The following AGBL1 variants were observed in gnomAD, a reference collection of about 807,000 sequenced individuals.
The protein encoded by AGBL1 is cytosolic carboxypeptidase 4.
A neutral mutation model predicts 118.9 loss-of-function variants in AGBL1; 130 were observed. That is an observed-to-expected ratio of 1.09 (90% confidence interval 0.95 to 1.26). AGBL1 has a LOEUF of 1.26. AGBL1 is among the 50% of genes most tolerant of loss of function. The pLI, the probability that AGBL1 is intolerant of heterozygous loss-of-function variation, is 0.00. For synonymous variants in AGBL1, 555 were observed against 478.9 expected, an observed-to-expected ratio of 1.16 and a Z score of -2.08; for missense variants, 1,584 against 1,298.1, an observed-to-expected ratio of 1.22 and a Z score of -3.38.
chr15:87,004,308 A>G (rs879891589), intron 24 of AGBL1, among the ~76,000 whole-genome samples: 15,037 of 152,192 alleles, frequency 0.099, 1,325 homozygotes, highest in African/African-American at 0.23. Context: ...CCACACAATT[A>G]TAGTGGGAGA....
chr15:86,249,743 A>T lies in AGBL1; in HGVS notation c.735+1864A>T, dbSNP rs781510342. 1.3e-3 allele frequency among the ~76,000 whole-genome samples: 195 copies of T among 152,322 alleles called. 3 individuals are homozygous for T. The highest frequency in any genetic ancestry group is 6.8e-3 in the Middle Eastern group (2 of 294). ...GGCTATTTCTCTGTTCTGTGCTAAA[A>T]AACCAACCAAACAATAAACAAAACA... On this transcript the variant is annotated intron_variant, in intron 7 of 22. Coordinates refer to ENST00000614907, the MANE Select transcript of AGBL1 (RefSeq NM_001386094.1).
intron 21 of AGBL1, among the ~76,000 whole-genome samples, chr15:86,640,824 G>C (rs144626153): frequency 1.1e-3 from 170 of 152,208 alleles, no homozygotes; most frequent in African/African-American, 3.9e-3. Context: ...TAATTAGCCA[G>C]TTTACATCCT....
intron 1 of AGBL1, among the ~76,000 whole-genome samples, chr15:86,095,189 G>A (rs1422542021): frequency 6.6e-6 from 1 of 152,140 alleles, no homozygotes; most frequent in Non-Finnish European, 1.5e-5. Context: ...ACTAGCAGGT[G>A]GATGTGTTCA....
chr15:86,247,996 C>T, intron 7 of AGBL1, 117 bp downstream of exon 7: 1 of 1,306,572 alleles, frequency 7.7e-7, no homozygotes, highest in South Asian at 1.2e-5. Context: ...TTCTTGTTGC[C>T]TGCTAAGGGC....
intron 18 of AGBL1, among the ~76,000 whole-genome samples, chr15:86,433,312 A>T (rs74025129): frequency 0.014 from 1,469 of 107,414 alleles, 36 homozygotes; most frequent in African/African-American, 0.054. Flanking sequence ...CCACATAGTT[A>T]ATGGATGGGT....
At position 86,907,561 on chromosome 15, in the gene AGBL1, C is replaced by G. The variant is rs1042145472; in HGVS notation, c.*267C>G. On this transcript the variant is annotated 3_prime_UTR_variant, in exon 23 of 23. Coordinates refer to ENST00000614907, the MANE Select transcript of AGBL1 (RefSeq NM_001386094.1). ...ACTTAGAATGGGACCCAATGGGTAG[C>G]CTCAAGATTACCATGGATCCTTTCA... 5.3e-5 allele frequency: 8 copies of G among 152,138 alleles called. No homozygotes were observed. The highest frequency in any genetic ancestry group is 1.0e-4 in the Non-Finnish European group (7 of 68,026). The allele number at this position is 152,138 out of a possible 1,614,324, so 9.4% of individuals were successfully genotyped here.
intron 24 of AGBL1, among the ~76,000 whole-genome samples, chr15:87,013,754 A>G (rs1434025005): frequency 6.6e-6 from 1 of 152,110 alleles, no homozygotes; most frequent in African/African-American, 2.4e-5. Flanking sequence ...TATTGTCCTC[A>G]TTTAAAGAAG....
intron 17 of AGBL1, among the ~76,000 whole-genome samples, chr15:86,351,960 C>T (rs1034347984): frequency 5.3e-5 from 8 of 152,126 alleles, no homozygotes; most frequent in Non-Finnish European, 8.8e-5. Flanking sequence ...GTAGCAGGCA[C>T]ATGATTTATA....
At chr15:86,199,478 G>A (rs892734156) in intron 5 of AGBL1, among the ~76,000 whole-genome samples, 2 of 152,186 alleles carry the variant, frequency 1.3e-5, no homozygotes, top group Non-Finnish European at 2.9e-5. Context: ...GTTCTCAAAA[G>A]CCATGATAAT....
chr15:86,357,541 T>C (rs1355451319), intron 17 of AGBL1, among the ~76,000 whole-genome samples: 2 of 152,168 alleles, frequency 1.3e-5, no homozygotes, highest in East Asian at 1.9e-4. Flanking sequence ...TATTTCTATG[T>C]AGGGTAAAAA....
chr15:86,470,412 G>C (rs574945703), intron 18 of AGBL1, among the ~76,000 whole-genome samples: 13 of 152,134 alleles, frequency 8.5e-5, no homozygotes, highest in Middle Eastern at 3.4e-3. Context: ...TCTCTATTGT[G>C]TTTCATTGGT....
chr15:86,478,979 G>T (rs535722956), intron 18 of AGBL1, among the ~76,000 whole-genome samples: 281 of 152,256 alleles, frequency 1.8e-3, no homozygotes, highest in African/African-American at 6.5e-3. Context: ...GCAAGAAATG[G>T]GGAAAGGATT....
intron 18 of AGBL1, among the ~76,000 whole-genome samples, chr15:86,442,478 A>G (rs1251574714): frequency 3.9e-5 from 6 of 152,154 alleles, no homozygotes; most frequent in Admixed American, 3.9e-4. Context: ...GGGAATGTCA[A>G]CCCCGGAGCC....
At chr15:86,292,397 T>A (rs1597690944) in intron 16 of AGBL1, among the ~76,000 whole-genome samples, 1 of 152,126 alleles carries the variant, frequency 6.6e-6, no homozygotes, top group African/African-American at 2.4e-5. Flanking sequence ...AGAGATCTTG[T>A]ATAGAGCTTC....
chr15:86,260,514 CCCTT>C (rs2078966078), intron 9 of AGBL1, among the ~76,000 whole-genome samples: 1 of 152,122 alleles, frequency 6.6e-6, no homozygotes, highest in African/African-American at 2.4e-5. Context: ...TTCAAGCTCT[CCCTT>C]CCTTCTTCCT....
intron 1 of AGBL1, among the ~76,000 whole-genome samples, chr15:86,141,616 A>C (rs1195268215): frequency 1.3e-5 from 2 of 152,152 alleles, no homozygotes; most frequent in Non-Finnish European, 1.5e-5. Flanking sequence ...GCACCACTGC[A>C]CCCCCGCCTG....
At chr15:86,679,550 T>C (rs1230366633) in intron 22 of AGBL1, among the ~76,000 whole-genome samples, 1 of 152,112 alleles carries the variant, frequency 6.6e-6, no homozygotes, top group African/African-American at 2.4e-5. Context: ...CTTACTTCTT[T>C]TTCTTATCTT....
chr15:86,835,659 G>A (rs952340228), intron 22 of AGBL1, among the ~76,000 whole-genome samples: 1 of 152,156 alleles, frequency 6.6e-6, no homozygotes, highest in African/African-American at 2.4e-5. Context: ...TCCCTAACAA[G>A]TTAGTAGGTG....
intron 5 of AGBL1, among the ~76,000 whole-genome samples, chr15:86,197,657 A>G (rs1351086748): frequency 1.1e-4 from 17 of 152,246 alleles, no homozygotes; most frequent in Non-Finnish European, 2.4e-4. Flanking sequence ...GAGCTTGAAA[A>G]TTTAGTAAAT....
Sources: gnomAD v4.1 joint callset for allele counts (sites outside exome capture counted in the v4.1 genomes callset) on GRCh38, gnomAD v4.1.1 for gene constraint, MANE v1.5 for transcripts, NCBI Gene and HGNC (gene_info 2026-07-23, HGNC 2026-07-21) for gene names.